The following ZNF560 variants were observed in gnomAD, a reference collection of about 807,000 sequenced individuals.
ZNF560 encodes the protein zinc finger protein 560.
In ZNF560, 54 loss-of-function variants were observed where a neutral mutation model predicts 81.8. That is an observed-to-expected ratio of 0.66 (90% CI 0.53 to 0.83). The LOEUF is 0.83. Among genes scored for constraint, ZNF560 ranks in the 40% least tolerant of loss-of-function variants. The pLI, the probability that ZNF560 is intolerant of heterozygous loss-of-function variation, is 0.00. For missense variants in ZNF560, 940 were observed against 932.4 expected (o/e 1.01, Z -0.11); for synonymous variants, 321 against 317.9 (o/e 1.01, Z -0.10).
chr19:9,473,278 T>C lies in ZNF560; in HGVS notation c.158-19A>G, dbSNP rs1324064655. The C allele has an allele frequency of 6.3e-7, 1 of 1,589,658 alleles. No individual in the cohort carries two copies. Among genetic ancestry groups the C allele is most frequent in the Non-Finnish European group, 8.6e-7 (1 of 1,165,538 alleles). The stretch of plus-strand genomic sequence containing the variant: ...TGAAATCCTTTACATGAAGAAATGA[T>C]ACATTAATGGAAGAGGCTCAGGCCA... On this transcript the variant is annotated intron_variant, in intron 4 of 9. Transcript: ENST00000301480.
At chr19:9,483,144 C>G (rs2073320384) in intron 2 of ZNF560, among the ~76,000 whole-genome samples, 1 of 150,822 alleles carries the variant, frequency 6.6e-6, no homozygotes, top group African/African-American at 2.4e-5. Flanking sequence ...ATGTGAGGAG[C>G]CCCTCTGCCT....
chr19:9,446,706 C>A, the ZNF560 span, among the ~76,000 whole-genome samples: 1 of 152,056 alleles, frequency 6.6e-6, no homozygotes, highest in East Asian at 1.9e-4. Flanking sequence ...CCTATTCAGT[C>A]GATTACACAT....
chr19:9,495,007 C>G (rs1348067681), intron 2 of ZNF560, among the ~76,000 whole-genome samples: 2 of 152,082 alleles, frequency 1.3e-5, no homozygotes, highest in Admixed American at 1.3e-4. Flanking sequence ...AGCAACAAGT[C>G]CTATAACTGC....
intron 2 of ZNF560, among the ~76,000 whole-genome samples, chr19:9,484,974 C>G (rs923766788): frequency 6.6e-6 from 1 of 152,048 alleles, no homozygotes; most frequent in Non-Finnish European, 1.5e-5. Context: ...TACATGCCAA[C>G]AAACTGGATA....
intron 2 of ZNF560, among the ~76,000 whole-genome samples, chr19:9,487,938 T>C (rs913174642): frequency 6.6e-6 from 1 of 152,186 alleles, no homozygotes; most frequent in African/African-American, 2.4e-5. Context: ...ATAAGAAACA[T>C]GATCTTAAAC....
intron 3 of ZNF560, 132 bp from the exon 4 acceptor site, chr19:9,474,457 T>G: frequency 1.0e-6 from 1 of 1,003,306 alleles, no homozygotes; most frequent in Non-Finnish European, 1.4e-6. Flanking sequence ...AGCTTAATAA[T>G]CCCAGGTAAA....
the ZNF560 span, among the ~76,000 whole-genome samples, chr19:9,457,852 A>C: frequency 6.6e-6 from 1 of 152,194 alleles, no homozygotes; most frequent in Non-Finnish European, 1.5e-5. Context: ...AGGAGATCCT[A>C]GTGTCACAAG....
At chr19:9,474,068 A>G (rs2073162217) in intron 4 of ZNF560, 131 bp downstream of exon 4, 4 of 1,012,656 alleles carry the variant, frequency 4.0e-6, no homozygotes, top group Admixed American at 3.6e-5. Context: ...CGACCACAGT[A>G]ATTAAGACCT....
chr19:9,454,868 T>C, the ZNF560 span, among the ~76,000 whole-genome samples: 2 of 152,148 alleles, frequency 1.3e-5, no homozygotes, highest in South Asian at 4.1e-4. Context: ...AGTGTGATAA[T>C]GTTGCAGAAG....
rs956616614 is a variant in ZNF560 at position 9,484,223 on chromosome 19, C to A, written c.-56-8854G>T. Among the ~76,000 whole-genome samples, 5 of 152,038 alleles carry A rather than the reference C, an allele frequency of 3.3e-5. No homozygotes were observed. The East Asian group carries it at 9.7e-4, about 30-fold the overall frequency. On this transcript the variant is annotated intron_variant, in intron 2 of 9. Transcript: ENST00000301480. ...GTTCACTTGCTTATCTGCTGACCTT[C>A]CCTCCACTATTGTCCTATGATCCTG...
the ZNF560 span, among the ~76,000 whole-genome samples, chr19:9,505,063 G>A: frequency 0.028 from 4,209 of 152,162 alleles, 86 homozygotes; most frequent in Non-Finnish European, 0.043. Context: ...CCAGCCAGGC[G>A]ACATAGTGAG....
the ZNF560 span, among the ~76,000 whole-genome samples, chr19:9,454,854 A>G: frequency 6.6e-6 from 1 of 152,028 alleles, no homozygotes; most frequent in African/African-American, 2.4e-5. Context: ...CAAAGAAGAG[A>G]GGGAGTGTGA....
chr19:9,503,121 C>T (rs1411885416), upstream of ZNF560, among the ~76,000 whole-genome samples: 1 of 151,982 alleles, frequency 6.6e-6, no homozygotes, highest in Non-Finnish European at 1.5e-5. Context: ...TTTGCGAGGC[C>T]AAGGTGAGAA....
intron 2 of ZNF560, among the ~76,000 whole-genome samples, chr19:9,488,859 C>T (rs1310141239): frequency 6.6e-6 from 1 of 152,126 alleles, no homozygotes; most frequent in African/African-American, 2.4e-5. Context: ...GCAGATTTCT[C>T]ATGAATGGTT....
At position 9,467,704 on chromosome 19, in the gene ZNF560, T is replaced by C. The variant is rs774526253; in HGVS notation, c.1243A>G (p.Thr415Ala). 6 of 1,613,974 alleles carry C rather than the reference T, an allele frequency of 3.7e-6. No homozygotes were observed. In the South Asian group the frequency reaches 6.6e-5, roughly 18 times the overall value. Reference protein sequence around the residue: ...GCKECGKAFGTSAGLIEHIRC... With the variant: ...GCKECGKAFGASAGLIEHIRC... ...ATATGTTCAATAAGGCCTGCAGATG[T>C]ACCAAAGGCTTTACCACATTCCTTA... Residue 415 changes from threonine to alanine, a missense_variant, in exon 10 of 10, where the codon ACA becomes GCA. Thr to Ala is a moderately conservative substitution (Grantham distance 58, BLOSUM62 0). Coordinates refer to ENST00000301480, the MANE Select transcript of ZNF560 (RefSeq NM_152476.3).
intron 2 of ZNF560, among the ~76,000 whole-genome samples, chr19:9,490,492 A>G (rs967932023): frequency 6.6e-6 from 1 of 152,246 alleles, no homozygotes; most frequent in Non-Finnish European, 1.5e-5. Context: ...AGCATGAAAC[A>G]GATAAGAACC....
At chr19:9,475,768 G>A (rs750068728) in intron 2 of ZNF560, among the ~76,000 whole-genome samples, 3 of 151,882 alleles carry the variant, frequency 2.0e-5, no homozygotes, top group African/African-American at 7.3e-5. Flanking sequence ...CACCACGCCC[G>A]GCTAATTTTT....
chr19:9,469,514 C>T (rs1247838422), intron 8 of ZNF560, 116 bp downstream of exon 8: 1 of 895,430 alleles, frequency 1.1e-6, no homozygotes, highest in Admixed American at 2.0e-5. Flanking sequence ...TATCCCAAAA[C>T]ATCCAAGTCC....
rs746687417 is a variant in ZNF560, at chr19:9,467,308, T to G, written c.1639A>C (p.Lys547Gln). ...THTEERLYQCKKCGKAFTKCS... is the reference protein window; with the variant it reads ...THTEERLYQCQKCGKAFTKCS... ...TTAGTGAAAGCTTTACCACATTTCT[T>G]ACATTGATAGAGTCTCTCTTCTGTG... The change falls in exon 10 of 10, where the codon AAG (lysine) becomes CAG (glutamine). Residue 547 changes from lysine to glutamine, a missense_variant. Lys to Gln is a moderately conservative substitution (Grantham distance 53). Transcript: ENST00000301480. 2.0e-5 allele frequency: 32 copies of G among 1,614,156 alleles called. No individual in the cohort carries two copies. In the South Asian group the frequency reaches 3.5e-4, roughly 18 times the overall value.
Sources: allele counts gnomAD v4.1 joint callset (sites outside exome capture counted in the v4.1 genomes callset), GRCh38; gene constraint gnomAD v4.1.1; transcripts MANE v1.5; gene names NCBI Gene and HGNC (gene_info 2026-07-23, HGNC 2026-07-21).